Variants in CNTN4 observed in about 807,000 individuals in gnomAD.
CNTN4 encodes the protein contactin-4.
CNTN4 carries 77 observed loss-of-function variants against 122.5 expected under a neutral mutation model. That is an observed-to-expected ratio of 0.63 (90% CI 0.52 to 0.76). The LOEUF is 0.76. Ranked by LOEUF, CNTN4 falls within the 30% of genes least tolerant of loss-of-function variation. The pLI is 0.00. For missense variants in CNTN4, 1,256 were observed against 1,259.1 expected, an observed-to-expected ratio of 1.00 and a Z score of 0.04; for synonymous variants, 512 against 447.0, an observed-to-expected ratio of 1.15 and a Z score of -1.83.
intron 2 of CNTN4, among the ~76,000 whole-genome samples, chr3:2,235,010 T>C (rs1164931773): frequency 6.6e-6 from 1 of 152,154 alleles, no homozygotes; most frequent in Non-Finnish European, 1.5e-5. Context: ...CTTGGAAAAA[T>C]TGAGTTCTTA....
At position 2,614,508 on chromosome 3, in the gene CNTN4, C is replaced by T. The variant is rs150071457; in HGVS notation, c.55+42950C>T. Among the ~76,000 whole-genome samples, 5 of 152,138 alleles carry T rather than the reference C, an allele frequency of 3.3e-5. No homozygotes were observed. The South Asian group carries it at 6.2e-4, about 19-fold the overall frequency. On this transcript the variant is annotated intron_variant, in intron 4 of 24. Transcript: ENST00000418658. ...AGGCTGTTGTCCAGGTGAGAGGTGA[C>T]GGTGGGGAAGACCAAACTGGTGTAG...
chr3:2,987,111 G>T (rs778644894), intron 13 of CNTN4, among the ~76,000 whole-genome samples: 4 of 152,194 alleles, frequency 2.6e-5, no homozygotes, highest in Non-Finnish European at 5.9e-5. Flanking sequence ...AGGGAAATGT[G>T]TTCAAAGCAA....
In CNTN4 at chr3:2,385,464, G is replaced by T. The variant is rs548376026; in HGVS notation, c.-89+46231G>T. 1.9e-4 allele frequency among the ~76,000 whole-genome samples: 29 copies of T among 152,100 alleles called. No individual in the cohort carries two copies. The highest frequency in any genetic ancestry group is 1.7e-3 in the Admixed American group (26 of 15,250). On this transcript the variant is annotated intron_variant, in intron 3 of 24. Coordinates refer to ENST00000418658, the MANE Select transcript of CNTN4 (RefSeq NM_175607.3). The surrounding 1 kb of genome is among the most constrained non-coding windows in gnomAD (Gnocchi z 4.0). ...GCAGATGCTTGTATTAGTTTCTTAG[G>T]ACTGCCACAGCAAAGTACCATACAC...
chr3:2,654,189 C>T (rs894575451), intron 4 of CNTN4, among the ~76,000 whole-genome samples: 4 of 152,172 alleles, frequency 2.6e-5, no homozygotes, highest in Non-Finnish European at 5.9e-5. Context: ...CAAGTGGGGT[C>T]TGGAAATACC....
At chr3:2,579,270 A>G (rs2079829712) in intron 4 of CNTN4, among the ~76,000 whole-genome samples, 1 of 152,194 alleles carries the variant, frequency 6.6e-6, no homozygotes, top group Admixed American at 6.6e-5. Context: ...ACAGGAAAAA[A>G]CCAGACAAGT....
chr3:3,022,001 G>A (rs1371216824), intron 14 of CNTN4, among the ~76,000 whole-genome samples: 1 of 148,742 alleles, frequency 6.7e-6, no homozygotes, highest in Non-Finnish European at 1.5e-5. Flanking sequence ...GAGGCAGGCA[G>A]ATTGCCTGAA....
intron 6 of CNTN4, among the ~76,000 whole-genome samples, chr3:2,770,101 C>T (rs2091026945): frequency 6.6e-6 from 1 of 151,660 alleles, no homozygotes. Context: ...GTGATCTCAG[C>T]TCACTGCAAC....
At chr3:2,345,659 C>G (rs2044373210) in intron 3 of CNTN4, among the ~76,000 whole-genome samples, 1 of 151,964 alleles carries the variant, frequency 6.6e-6, no homozygotes, top group South Asian at 2.1e-4. Context: ...AGTTTGCTGT[C>G]TAATAGGGGG....
rs537871236 is a variant in CNTN4 at position 2,880,423 on chromosome 3, G to T, written c.653-2722G>T. 1.9e-4 allele frequency among the ~76,000 whole-genome samples: 29 copies of T among 152,278 alleles called. No homozygotes were observed. The South Asian group carries it at 5.6e-3, about 29-fold the overall frequency. On this transcript the variant is annotated intron_variant, in intron 8 of 24. Coordinates refer to ENST00000418658, the MANE Select transcript of CNTN4 (RefSeq NM_175607.3). ...ACAGCCATATACACAGCACTAAAAG[G>T]TGTTAACTTGCTCACTGCGCTCAAA...
At chr3:2,623,499 G>A (rs1041738471) in intron 4 of CNTN4, among the ~76,000 whole-genome samples, 2 of 152,318 alleles carry the variant, frequency 1.3e-5, no homozygotes, top group South Asian at 2.1e-4. Context: ...AGAACAGAGG[G>A]GCAGGGGAGG....
At chr3:2,404,342 C>G (rs1006523156) in intron 3 of CNTN4, among the ~76,000 whole-genome samples, 1 of 152,128 alleles carries the variant, frequency 6.6e-6, no homozygotes, top group Non-Finnish European at 1.5e-5. Flanking sequence ...CTCATTCAAG[C>G]TGTTGGCAGA....
chr3:2,769,480 A>G (rs1431137607), intron 6 of CNTN4, among the ~76,000 whole-genome samples: 1 of 144,392 alleles, frequency 6.9e-6, no homozygotes, highest in Non-Finnish European at 1.5e-5. Flanking sequence ...AAAAAAAAAC[A>G]GAAACAAAAC....
chr3:3,013,016 C>T (rs1305778208), intron 14 of CNTN4, among the ~76,000 whole-genome samples: 1 of 152,076 alleles, frequency 6.6e-6, no homozygotes, highest in Admixed American at 6.5e-5. Context: ...CACCTTAGAA[C>T]ATCACCCTCT....
intron 3 of CNTN4, among the ~76,000 whole-genome samples, chr3:2,354,948 A>G (rs1400667527): frequency 2.0e-5 from 3 of 152,190 alleles, no homozygotes; most frequent in South Asian, 2.1e-4. Context: ...TTGGGGATAC[A>G]TTGTGTCAGA....
At chr3:2,313,403 A>G (rs999479596) in intron 2 of CNTN4, among the ~76,000 whole-genome samples, 4 of 152,044 alleles carry the variant, frequency 2.6e-5, no homozygotes, top group Admixed American at 6.6e-5. Flanking sequence ...AAAAGTTGTC[A>G]TTTTTACCTC....
At chr3:2,528,497 A>G (rs1417805980) in intron 3 of CNTN4, among the ~76,000 whole-genome samples, 1 of 152,174 alleles carries the variant, frequency 6.6e-6, no homozygotes, top group African/African-American at 2.4e-5. Context: ...TAGGAAAACC[A>G]TGCTATGACA....
intron 3 of CNTN4, among the ~76,000 whole-genome samples, chr3:2,398,946 C>T (rs2046740535): frequency 6.6e-6 from 1 of 152,060 alleles, no homozygotes; most frequent in Non-Finnish European, 1.5e-5. Context: ...TTATTACATA[C>T]ATCTTAAGTT....
At chr3:2,605,512 C>G (rs577235140) in intron 4 of CNTN4, among the ~76,000 whole-genome samples, 1 of 152,196 alleles carries the variant, frequency 6.6e-6, no homozygotes, top group African/African-American at 2.4e-5. Flanking sequence ...TTTTCTCTGG[C>G]TTCTCTGTGG....
intron 4 of CNTN4, among the ~76,000 whole-genome samples, chr3:2,735,507 A>G (rs951668334): frequency 2.6e-5 from 4 of 152,232 alleles, no homozygotes; most frequent in Admixed American, 6.5e-5. Context: ...ATCCAAGCAC[A>G]TAATCAGTGG....
Sources: gnomAD v4.1 joint callset for allele counts (sites outside exome capture counted in the v4.1 genomes callset) on GRCh38, gnomAD v4.1.1 for gene constraint, Gnocchi (gnomAD v3.1) non-coding constraint, MANE v1.5 for transcripts, NCBI Gene and HGNC (gene_info 2026-07-23, HGNC 2026-07-21) for gene names.